CYSLTR1: variants seen among roughly 807,000 people sequenced by gnomAD.
CYSLTR1 encodes the protein G-protein coupled receptor HG55.
A neutral mutation model predicts 2.1 loss-of-function variants in CYSLTR1; 1 was observed. The ratio of observed to expected loss-of-function variants is 0.48; its 90% CI spans 0.17 to 2.28. The LOEUF (loss-of-function observed/expected upper bound fraction) is 2.28. Among genes scored for constraint, CYSLTR1 ranks in the 30% most tolerant of loss-of-function variants. The pLI is 0.26. For synonymous variants in CYSLTR1, 110 were observed against 89.6 expected, an observed-to-expected ratio of 1.23 and a Z score of -1.28; for missense variants, 299 against 250.1, an observed-to-expected ratio of 1.20 and a Z score of -1.32.
chrX:78,315,104 A>G (rs189295843), intron 1 of CYSLTR1, among the ~76,000 whole-genome samples: 1 of 106,902 alleles, frequency 9.4e-6, no homozygotes, highest in African/African-American at 3.4e-5. Flanking sequence ...GGCACCTGTT[A>G]GAGCTATGAG....
chrX:78,298,672 C>T (rs1358232485), intron 1 of CYSLTR1, among the ~76,000 whole-genome samples: 1 of 111,312 alleles, frequency 9.0e-6, no homozygotes, highest in Admixed American at 9.6e-5. Flanking sequence ...TCTATTTTGT[C>T]TGTTGTAAGT....
Position 78,288,224 on chromosome X carries a change from C to G in CYSLTR1, c.-114-4684G>C, listed in dbSNP as rs969752958. On this transcript the variant is annotated intron_variant, in intron 1 of 2. Transcript: ENST00000373304. ...TCTCTTGAAAAAAAAAATAAGGTGC[C>G]AACACATATACCATACAACTATATT... Among the ~76,000 whole-genome samples the G allele has an allele frequency of 4.5e-5, 5 of 110,057 alleles. 1 individual carries two copies. The highest frequency in any genetic ancestry group is 9.5e-5 in the Non-Finnish European group (5 of 52,765).
chrX:78,323,200 A>T (rs1923733303), intron 1 of CYSLTR1, among the ~76,000 whole-genome samples: 1 of 111,597 alleles, frequency 9.0e-6, no homozygotes, highest in Non-Finnish European at 1.9e-5. Context: ...CACTAAGTAG[A>T]GGGCCTTTTT....
chrX:78,303,915 T>C (rs1374464735), intron 1 of CYSLTR1, among the ~76,000 whole-genome samples: 1 of 111,796 alleles, frequency 8.9e-6, no homozygotes, highest in African/African-American at 3.3e-5. Context: ...TACCATACTA[T>C]AAATCTGTGA....
At chrX:78,306,313 G>A (rs191184854) in intron 1 of CYSLTR1, among the ~76,000 whole-genome samples, 1,714 of 110,270 alleles carry the variant, frequency 0.016, 20 homozygotes, top group Non-Finnish European at 0.025. Flanking sequence ...ACAGGTGCCC[G>A]CCACCATGCC....
chrX:78,327,131 A>G (rs939375599), intron 1 of CYSLTR1, among the ~76,000 whole-genome samples, 174 bp downstream of exon 1: 2 of 111,839 alleles, frequency 1.8e-5, no homozygotes, highest in Non-Finnish European at 3.8e-5. Flanking sequence ...TGATCATATT[A>G]TCAGATTTCT....
Position 78,274,800 on chromosome X carries a change from A to C in CYSLTR1, c.-27-1027T>G, listed in dbSNP as rs755736729. Reference sequence around the variant, plus strand: ...ATCAGAGTGAACAGGCAACCTACAGAATGGGAGAAAATTTTTGCAATCTAC... The same window carrying C: ...ATCAGAGTGAACAGGCAACCTACAGCATGGGAGAAAATTTTTGCAATCTAC... On this transcript the variant is annotated intron_variant, in intron 2 of 2. Coordinates refer to ENST00000373304, the MANE Select transcript of CYSLTR1 (RefSeq NM_006639.4). Among the ~76,000 whole-genome samples the C allele has an allele frequency of 4.9e-3, 541 of 111,205 alleles. 2 individuals carry two copies. The highest frequency in any genetic ancestry group is 0.017 in the African/African-American group (514 of 30,585).
chrX:78,322,643 A>G (rs1923711004), intron 1 of CYSLTR1, among the ~76,000 whole-genome samples: 1 of 112,162 alleles, frequency 8.9e-6, no homozygotes, highest in Non-Finnish European at 1.9e-5. Flanking sequence ...TCCGTCTGTG[A>G]TCACTTTAGC....
At chrX:78,284,146 ATCTCT>A (rs1411593625) in intron 1 of CYSLTR1, among the ~76,000 whole-genome samples, 1 of 112,047 alleles carries the variant, frequency 8.9e-6, no homozygotes, top group Non-Finnish European at 1.9e-5. Context: ...ATAAGCATAT[ATCTCT>A]TCTCTTCAAT....
chrX:78,289,182 T>C (rs771046085), intron 1 of CYSLTR1, among the ~76,000 whole-genome samples: 2 of 109,880 alleles, frequency 1.8e-5, no homozygotes, highest in South Asian at 8.2e-4. Flanking sequence ...TCTCATTGTT[T>C]GGTTCCCACC....
chrX:78,282,603 TAAA>T, intron 2 of CYSLTR1, among the ~76,000 whole-genome samples: 1 of 111,980 alleles, frequency 8.9e-6, no homozygotes, highest in Non-Finnish European at 1.9e-5. Flanking sequence ...ACCATAATGT[TAAA>T]AAACACAGAT....
At chrX:78,312,595 C>G (rs187491696) in intron 1 of CYSLTR1, among the ~76,000 whole-genome samples, 14 of 111,647 alleles carry the variant, frequency 1.3e-4, no homozygotes, top group Non-Finnish European at 2.5e-4. Context: ...GTCTAATATC[C>G]GGAATCTATA....
At chrX:78,302,394 G>A (rs767899960) in intron 1 of CYSLTR1, among the ~76,000 whole-genome samples, 2 of 111,472 alleles carry the variant, frequency 1.8e-5, no homozygotes, top group Admixed American at 1.9e-4. Flanking sequence ...AGACCACATT[G>A]GGGCCCTACA....
rs186263983 is a variant in CYSLTR1 at position 78,309,544 on chromosome X, A to G, written c.-115+17761T>C. On this transcript the variant is annotated intron_variant, in intron 1 of 2. Transcript: ENST00000373304. The stretch of plus-strand genomic sequence containing the variant: ...TGAGACCAAATATGATCACGAAGTG[A>G]ATAATATGAAAAGAGATGACAGCTA... Among the ~76,000 whole-genome samples, 439 of 111,740 alleles carry G rather than the reference A, an allele frequency of 3.9e-3. 1 individual carries two copies. The highest frequency in any genetic ancestry group is 0.014 in the African/African-American group (422 of 30,808).
chrX:78,304,183 T>G (rs1000325173), intron 1 of CYSLTR1, among the ~76,000 whole-genome samples: 8 of 112,042 alleles, frequency 7.1e-5, no homozygotes, highest in African/African-American at 2.6e-4. Flanking sequence ...AAGTGCTAAA[T>G]TTATGATTTA....
At chrX:78,308,959 C>G (rs956345202) in intron 1 of CYSLTR1, among the ~76,000 whole-genome samples, 1 of 111,225 alleles carries the variant, frequency 9.0e-6, no homozygotes, top group African/African-American at 3.3e-5. Context: ...TCTACCACTG[C>G]GTTATTAATA....
At chrX:78,309,567 C>T (rs906733510) in intron 1 of CYSLTR1, among the ~76,000 whole-genome samples, 4 of 111,554 alleles carry the variant, frequency 3.6e-5, no homozygotes, top group African/African-American at 1.3e-4. Flanking sequence ...GAGATGACAG[C>T]TATGTTCCCA....
chrX:78,299,335 A>G (rs772946311), intron 1 of CYSLTR1, among the ~76,000 whole-genome samples: 1 of 111,551 alleles, frequency 9.0e-6, no homozygotes, highest in South Asian at 3.7e-4. Context: ...CTGAGTTACA[A>G]TGTTATAATA....
intron 1 of CYSLTR1, among the ~76,000 whole-genome samples, chrX:78,290,987 C>A (rs1024874217): frequency 1.8e-5 from 2 of 111,804 alleles, no homozygotes; most frequent in Admixed American, 1.9e-4. Context: ...GAACTTCCAA[C>A]ACCATGTTGA....
Sources: gnomAD v4.1 joint callset for allele counts (sites outside exome capture counted in the v4.1 genomes callset) on GRCh38, gnomAD v4.1.1 for gene constraint, MANE v1.5 for transcripts, NCBI Gene and HGNC (gene_info 2026-07-23, HGNC 2026-07-21) for gene names.